The following SPATA13 variants were observed in gnomAD, a reference collection of about 807,000 sequenced individuals.
SPATA13 encodes the protein spermatogenesis associated 13, also known as spermatogenesis-associated protein 13.
Under a neutral mutation model 104.0 loss-of-function variants are expected in SPATA13, and 50 were observed. The observed-to-expected ratio is 0.48, with a 90% confidence interval of 0.38 to 0.61. The LOEUF (loss-of-function observed/expected upper bound fraction) is 0.61. Ranked by LOEUF, SPATA13 falls within the 20% of genes least tolerant of loss-of-function variation. The pLI is 0.00. For missense variants in SPATA13, 1,524 were observed against 1,690.6 expected (o/e 0.90, Z 1.73); for synonymous variants, 606 against 667.5 (o/e 0.91, Z 1.42).
chr13:24,053,672 T>G (rs1878443605), intron 3 of SPATA13, among the ~76,000 whole-genome samples: 1 of 152,146 alleles, frequency 6.6e-6, no homozygotes, highest in Non-Finnish European at 1.5e-5. Flanking sequence ...GGCTCCATCC[T>G]GTCGTCCTTG....
Position 24,286,724 on chromosome 13 carries a change from C to A in SPATA13, c.2482-41C>A, listed in dbSNP as rs371148808. 2 of 1,592,322 alleles carry A rather than the reference C, an allele frequency of 1.3e-6. No individual in the cohort carries two copies. Among genetic ancestry groups the A allele is most frequent in the Non-Finnish European group, 1.7e-6 (2 of 1,166,364 alleles). ...TCCTGCCTCTGCTCCATGCTGCCCT[C>A]CCCTGCCCCAAGTCACCTGTCCCCT... On this transcript the variant is annotated intron_variant, in intron 6 of 12. Transcript: ENST00000382108. The surrounding 1 kb of genome is among the most constrained non-coding windows in gnomAD (Gnocchi z 4.9).
intron 3 of SPATA13, among the ~76,000 whole-genome samples, chr13:24,137,275 A>G (rs1881604676): frequency 6.6e-6 from 1 of 152,282 alleles, no homozygotes; most frequent in African/African-American, 2.4e-5. Flanking sequence ...AGAAGAAGAC[A>G]TGGGCTCCAG....
At chr13:24,241,633 A>G (rs1872837583) in intron 2 of SPATA13, among the ~76,000 whole-genome samples, 1 of 152,224 alleles carries the variant, frequency 6.6e-6, no homozygotes, top group Non-Finnish European at 1.5e-5. Flanking sequence ...GAGGACCAGG[A>G]AGCCCACCTG....
At chr13:23,993,994 T>C (rs1299429999) in intron 2 of SPATA13, among the ~76,000 whole-genome samples, 2 of 151,246 alleles carry the variant, frequency 1.3e-5, no homozygotes, top group Non-Finnish European at 3.0e-5. Flanking sequence ...TTCTTTTTTT[T>C]TTTTGACAAG....
At chr13:24,301,391 T>G (rs1199536535) in intron 12 of SPATA13, among the ~76,000 whole-genome samples, 1 of 152,228 alleles carries the variant, frequency 6.6e-6, no homozygotes, top group Non-Finnish European at 1.5e-5. Context: ...AATGCAGAAT[T>G]TCTTTTCCCC....
intron 3 of SPATA13, among the ~76,000 whole-genome samples, chr13:24,107,480 G>A (rs911791733): frequency 6.6e-6 from 1 of 152,100 alleles, no homozygotes; most frequent in Admixed American, 6.5e-5. Flanking sequence ...ACTTGCTTTC[G>A]ACTTCAGCTG....
intron 3 of SPATA13, among the ~76,000 whole-genome samples, chr13:24,144,550 G>T (rs1881868525): frequency 6.6e-6 from 1 of 152,036 alleles, no homozygotes; most frequent in South Asian, 2.1e-4. Flanking sequence ...ACAAGCACTG[G>T]CCCAGACAAA....
At chr13:24,047,589 A>G (rs1476784194) in intron 3 of SPATA13, among the ~76,000 whole-genome samples, 1 of 152,252 alleles carries the variant, frequency 6.6e-6, no homozygotes, top group Non-Finnish European at 1.5e-5. Flanking sequence ...AGGCAGTTTC[A>G]TCAGCTTTAG....
chr13:24,268,059 G>C (rs1216595277), intron 4 of SPATA13, among the ~76,000 whole-genome samples: 1 of 152,232 alleles, frequency 6.6e-6, no homozygotes, highest in Non-Finnish European at 1.5e-5. Context: ...AGCAAGGCCA[G>C]AGGATACTTT....
intron 2 of SPATA13, among the ~76,000 whole-genome samples, chr13:24,238,560 G>T (rs1206701541): frequency 6.6e-6 from 1 of 152,062 alleles, no homozygotes; most frequent in Non-Finnish European, 1.5e-5. Flanking sequence ...GGAATTCACT[G>T]GGTGACACAG....
chr13:24,124,997 G>A (rs1881162772), intron 3 of SPATA13, among the ~76,000 whole-genome samples: 1 of 152,216 alleles, frequency 6.6e-6, no homozygotes, highest in Admixed American at 6.5e-5. Flanking sequence ...AGAGCGGGTG[G>A]TGGCAGACAG....
At chr13:24,106,491 C>G (rs914461295) in intron 3 of SPATA13, among the ~76,000 whole-genome samples, 1 of 152,168 alleles carries the variant, frequency 6.6e-6, no homozygotes, top group African/African-American at 2.4e-5. Flanking sequence ...TTTTGGTTTC[C>G]TGTCCCCTCA....
intron 3 of SPATA13, among the ~76,000 whole-genome samples, chr13:24,048,804 A>G (rs1878237919): frequency 6.6e-6 from 1 of 152,236 alleles, no homozygotes; most frequent in South Asian, 2.1e-4. Context: ...TTAAAGAAAT[A>G]GTAATTCAAA....
At chr13:24,154,402 T>C (rs1321179753) in intron 3 of SPATA13, among the ~76,000 whole-genome samples, 2 of 152,186 alleles carry the variant, frequency 1.3e-5, no homozygotes, top group African/African-American at 4.8e-5. Flanking sequence ...TCAGACATAC[T>C]GTTAAGGAAG....
At chr13:24,198,829 A>C (rs576456086) in intron 1 of SPATA13, among the ~76,000 whole-genome samples, 122 of 152,300 alleles carry the variant, frequency 8.0e-4, no homozygotes, top group Non-Finnish European at 1.0e-3. Context: ...GGTGTCAGCT[A>C]ATAAGCAGAG....
At chr13:24,150,838 G>A (rs992101956) in intron 3 of SPATA13, among the ~76,000 whole-genome samples, 15 of 152,128 alleles carry the variant, frequency 9.9e-5, no homozygotes, top group Non-Finnish European at 2.1e-4. Flanking sequence ...CTTTACTCAA[G>A]TCTAGTGACT....
chr13:24,015,233 C>T (rs1332345844), intron 2 of SPATA13, among the ~76,000 whole-genome samples: 1 of 152,022 alleles, frequency 6.6e-6, no homozygotes, highest in Non-Finnish European at 1.5e-5. Flanking sequence ...TGACTCTTAA[C>T]GAGAGATGAA....
chr13:23,996,732 GTGA>G (rs1875713923), intron 2 of SPATA13, among the ~76,000 whole-genome samples: 1 of 152,226 alleles, frequency 6.6e-6, no homozygotes, highest in Admixed American at 6.5e-5. Context: ...CTTAAAATAT[GTGA>G]GGAGGCAGCT....
chr13:24,034,119 G>A (rs1007165945), intron 3 of SPATA13: 3 of 152,094 alleles, frequency 2.0e-5, no homozygotes, highest in African/African-American at 4.8e-5. Flanking sequence ...TGAGACCGTC[G>A]ACATTTAGCA....
Sources: allele counts gnomAD v4.1 joint callset (sites outside exome capture counted in the v4.1 genomes callset), GRCh38; gene constraint gnomAD v4.1.1; non-coding constraint Gnocchi (gnomAD v3.1); transcripts MANE v1.5; gene names NCBI Gene and HGNC (gene_info 2026-07-23, HGNC 2026-07-21).